The following CTNNA3 variants were observed in gnomAD, a reference collection of about 807,000 sequenced individuals.
CTNNA3 encodes catenin alpha 3.
CTNNA3 carries 76 observed loss-of-function variants against 95.7 expected under a neutral mutation model. That is an observed-to-expected ratio of 0.79 (90% CI 0.66 to 0.96). CTNNA3 has a LOEUF of 0.96. Ranked by LOEUF, CTNNA3 falls within the 40% of genes least tolerant of loss-of-function variation. CTNNA3 has a pLI of 0.00. For missense variants in CTNNA3, 1,191 were observed against 1,089.8 expected, an observed-to-expected ratio of 1.09 and a Z score of -1.31; for synonymous variants, 431 against 374.4, an observed-to-expected ratio of 1.15 and a Z score of -1.74.
intron 17 of CTNNA3, among the ~76,000 whole-genome samples, chr10:65,933,563 T>A (rs2133152559): frequency 6.6e-6 from 1 of 152,224 alleles, no homozygotes; most frequent in East Asian, 1.9e-4. Flanking sequence ...AAAGTAAACA[T>A]TTGAGATTGT....
At chr10:66,773,566 A>T (rs1207350268) in intron 8 of CTNNA3, among the ~76,000 whole-genome samples, 1 of 152,212 alleles carries the variant, frequency 6.6e-6, no homozygotes, top group Non-Finnish European at 1.5e-5. Flanking sequence ...TTTGACTGCC[A>T]CTATGTGGAA....
chr10:67,448,318 C>T (rs1270590570), intron 5 of CTNNA3, among the ~76,000 whole-genome samples: 1 of 152,102 alleles, frequency 6.6e-6, no homozygotes, highest in Non-Finnish European at 1.5e-5. Flanking sequence ...ATTTATGCAA[C>T]TCCAATCAAA....
At chr10:66,356,133 T>G (rs1448759189) in intron 12 of CTNNA3, among the ~76,000 whole-genome samples, 2 of 151,132 alleles carry the variant, frequency 1.3e-5, no homozygotes, top group Non-Finnish European at 3.0e-5. Flanking sequence ...TTTTTTTTTT[T>G]TTTTTTTTGG....
chr10:66,282,533 CCTA>C (rs1276139609), intron 12 of CTNNA3, among the ~76,000 whole-genome samples: 1 of 151,754 alleles, frequency 6.6e-6, no homozygotes, highest in Non-Finnish European at 1.5e-5. Flanking sequence ...CATCCAAATA[CCTA>C]CTAAGTGCCA....
At chr10:67,117,194 T>C (rs1360273062) in intron 7 of CTNNA3, among the ~76,000 whole-genome samples, 4 of 151,992 alleles carry the variant, frequency 2.6e-5, no homozygotes, top group Non-Finnish European at 5.9e-5. Context: ...GGGATTCTGC[T>C]TCTTTATCTG....
At chr10:66,913,447 C>T (rs2132568929) in intron 7 of CTNNA3, among the ~76,000 whole-genome samples, 1 of 152,126 alleles carries the variant, frequency 6.6e-6, no homozygotes, top group South Asian at 2.1e-4. Context: ...TATCATCTGC[C>T]ATGCCTGAAA....
intron 13 of CTNNA3, among the ~76,000 whole-genome samples, chr10:66,149,621 C>T (rs2084084355): frequency 6.6e-6 from 1 of 151,706 alleles, no homozygotes; most frequent in South Asian, 2.1e-4. Flanking sequence ...TATTCTTGAT[C>T]ACAAATGATA....
intron 12 of CTNNA3, among the ~76,000 whole-genome samples, chr10:66,356,039 A>G (rs1209061258): frequency 6.7e-6 from 1 of 149,902 alleles, no homozygotes; most frequent in Non-Finnish European, 1.5e-5. Flanking sequence ...TCTTTTGCAA[A>G]TATCACTCTT....
At chr10:66,713,366 C>A (rs1470693993) in intron 9 of CTNNA3, among the ~76,000 whole-genome samples, 1 of 152,128 alleles carries the variant, frequency 6.6e-6, no homozygotes, top group Non-Finnish European at 1.5e-5. Flanking sequence ...CCAGGGATCT[C>A]TTTTATATGA....
At chr10:66,407,273 G>T (rs563081492) in intron 11 of CTNNA3, among the ~76,000 whole-genome samples, 1 of 147,398 alleles carries the variant, frequency 6.8e-6, no homozygotes, top group Admixed American at 6.7e-5. Context: ...CTCTCAACTC[G>T]ACCCAAAACA....
At chr10:67,579,561 A>G (rs1363225356) in intron 3 of CTNNA3, among the ~76,000 whole-genome samples, 2 of 152,184 alleles carry the variant, frequency 1.3e-5, no homozygotes, top group Non-Finnish European at 2.9e-5. Flanking sequence ...TCCTTTGGGT[A>G]TATACCCAGT....
At chr10:66,877,247 TA>T (rs1239871288) in intron 7 of CTNNA3, among the ~76,000 whole-genome samples, 4 of 152,152 alleles carry the variant, frequency 2.6e-5, no homozygotes, top group African/African-American at 9.7e-5. Flanking sequence ...TCCTAACCAA[TA>T]GATTGGCCAA....
At chr10:67,715,251 A>C (rs181855521) in intron 1 of CTNNA3, among the ~76,000 whole-genome samples, 2 of 152,214 alleles carry the variant, frequency 1.3e-5, no homozygotes, top group African/African-American at 2.4e-5. Flanking sequence ...AATGGTAGCT[A>C]TTTTTAATCA....
chr10:66,885,090 T>C (rs934183826), intron 7 of CTNNA3, among the ~76,000 whole-genome samples: 1 of 152,056 alleles, frequency 6.6e-6, no homozygotes, highest in Non-Finnish European at 1.5e-5. Flanking sequence ...TAATTTACAA[T>C]TTACTCACTG....
intron 2 of CTNNA3, among the ~76,000 whole-genome samples, chr10:67,621,487 C>T (rs1415992970): frequency 3.9e-5 from 6 of 152,084 alleles, no homozygotes; most frequent in African/African-American, 1.4e-4. Flanking sequence ...CAGTGGCTCA[C>T]GCCTGTAATC....
At chr10:66,800,262 C>T (rs532508882) in intron 7 of CTNNA3, among the ~76,000 whole-genome samples, 1 of 151,256 alleles carries the variant, frequency 6.6e-6, no homozygotes, top group East Asian at 1.9e-4. Context: ...TAAATGATAA[C>T]ACAATATGTT....
At chr10:66,072,338 G>A (rs1286123638) in intron 14 of CTNNA3, among the ~76,000 whole-genome samples, 1 of 152,148 alleles carries the variant, frequency 6.6e-6, no homozygotes, top group Non-Finnish European at 1.5e-5. Flanking sequence ...ACTTTCCTAT[G>A]ACCAGGGAAC....
intron 9 of CTNNA3, among the ~76,000 whole-genome samples, chr10:66,656,264 A>G (rs934811679): frequency 6.6e-6 from 1 of 152,154 alleles, no homozygotes; most frequent in African/African-American, 2.4e-5. Context: ...TAAATAAGAC[A>G]GGCAGCAGCA....
chr10:66,980,782 A>T (rs548735809), intron 7 of CTNNA3, among the ~76,000 whole-genome samples: 4 of 152,324 alleles, frequency 2.6e-5, no homozygotes, highest in African/African-American at 9.6e-5. Context: ...CTTCATGTAC[A>T]AGAGTGTTCA....
Sources: gnomAD v4.1 joint callset for allele counts (sites outside exome capture counted in the v4.1 genomes callset) on GRCh38, gnomAD v4.1.1 for gene constraint, MANE v1.5 for transcripts, NCBI Gene and HGNC (gene_info 2026-07-23, HGNC 2026-07-21) for gene names.